Variants in STXBP6 observed in about 807,000 individuals in gnomAD.
STXBP6 encodes syntaxin binding protein 6.
A neutral mutation model predicts 26.9 loss-of-function variants in STXBP6; 21 were observed. The observed-to-expected ratio is 0.78, with a 90% CI of 0.55 to 1.12. The LOEUF (loss-of-function observed/expected upper bound fraction) is 1.12. Among genes scored for constraint, STXBP6 ranks in the 50% most tolerant of loss-of-function variants. The probability of loss-of-function intolerance (pLI) is 0.00; values close to 1 mark genes in which losing one functional copy is unlikely to be tolerated. For synonymous variants in STXBP6, 97 were observed against 92.6 expected (o/e 1.05, Z -0.27); for missense variants, 232 against 257.9 (o/e 0.90, Z 0.69).
At chr14:24,904,266 T>C (rs2071311800) in intron 2 of STXBP6, among the ~76,000 whole-genome samples, 2 of 152,190 alleles carry the variant, frequency 1.3e-5, no homozygotes, top group East Asian at 3.9e-4. Context: ...TATAGGTGAA[T>C]ACATCCAGCC....
At chr14:24,850,428 A>T (rs1161866576) in intron 4 of STXBP6, among the ~76,000 whole-genome samples, 1 of 152,124 alleles carries the variant, frequency 6.6e-6, no homozygotes, top group Non-Finnish European at 1.5e-5. Flanking sequence ...ATGCTTAAGA[A>T]ATACCCTTTG....
intron 2 of STXBP6, among the ~76,000 whole-genome samples, chr14:24,912,707 C>T (rs902493426): frequency 1.3e-5 from 2 of 152,060 alleles, no homozygotes; most frequent in African/African-American, 4.8e-5. Context: ...GCCCTCAGAC[C>T]ATGCTATCTG....
At chr14:25,003,335 A>G (rs892606428) in intron 1 of STXBP6, among the ~76,000 whole-genome samples, 7 of 152,226 alleles carry the variant, frequency 4.6e-5, no homozygotes, top group Non-Finnish European at 8.8e-5. Context: ...CCTAGCCTTT[A>G]GGGTAATTCT....
intron 4 of STXBP6, among the ~76,000 whole-genome samples, chr14:24,825,674 A>G (rs182169656): frequency 6.6e-6 from 1 of 152,308 alleles, no homozygotes; most frequent in East Asian, 1.9e-4. Flanking sequence ...GAGGCTAACT[A>G]AAGTCTCAGG....
chr14:24,826,928 G>T (rs183916300), intron 4 of STXBP6, among the ~76,000 whole-genome samples: 19 of 152,280 alleles, frequency 1.2e-4, no homozygotes, highest in East Asian at 3.9e-4. Context: ...GGCCAGGTGT[G>T]GTGGCTCATG....
At chr14:24,922,088 ACT>A (rs1224298544) in intron 2 of STXBP6, among the ~76,000 whole-genome samples, 2 of 151,792 alleles carry the variant, frequency 1.3e-5, no homozygotes, top group African/African-American at 2.4e-5. Flanking sequence ...ATTCTGACTT[ACT>A]CTGTCAGCAG....
chr14:24,931,535 C>T (rs1331472786), intron 2 of STXBP6, among the ~76,000 whole-genome samples: 1 of 152,292 alleles, frequency 6.6e-6, no homozygotes, highest in East Asian at 1.9e-4. Context: ...AGCAAAAACA[C>T]ATGTTAAAGA....
intron 1 of STXBP6, among the ~76,000 whole-genome samples, chr14:25,037,262 G>C (rs1189686816): frequency 2.0e-5 from 3 of 152,150 alleles, no homozygotes; most frequent in African/African-American, 7.2e-5. Context: ...TCTGAAATAG[G>C]ACAGGAATGG....
At chr14:24,852,793 A>G (rs1348908888) in intron 4 of STXBP6, among the ~76,000 whole-genome samples, 1 of 152,142 alleles carries the variant, frequency 6.6e-6, no homozygotes, top group Non-Finnish European at 1.5e-5. Context: ...CCAGCAATTC[A>G]TATACAACTC....
intron 2 of STXBP6, among the ~76,000 whole-genome samples, chr14:24,967,712 C>T (rs1231344222): frequency 6.6e-6 from 1 of 152,084 alleles, no homozygotes; most frequent in Non-Finnish European, 1.5e-5. Context: ...AAAAGGCTTA[C>T]CCTGATATAT....
intron 2 of STXBP6, among the ~76,000 whole-genome samples, chr14:24,928,723 A>G (rs540319502): frequency 6.6e-6 from 1 of 152,322 alleles, no homozygotes; most frequent in East Asian, 1.9e-4. Flanking sequence ...TCAGGCTTGC[A>G]GCTGTTCTAT....
chr14:24,994,402 A>G (rs1237002647), intron 1 of STXBP6, among the ~76,000 whole-genome samples: 4 of 152,110 alleles, frequency 2.6e-5, no homozygotes, highest in Non-Finnish European at 5.9e-5. Context: ...TGTTCTTGAC[A>G]CTACTTCCTT....
intron 2 of STXBP6, among the ~76,000 whole-genome samples, chr14:24,909,937 T>C (rs1409690027): frequency 1.3e-5 from 2 of 151,668 alleles, no homozygotes; most frequent in Non-Finnish European, 2.9e-5. Flanking sequence ...TGACCTTGAG[T>C]GAGTCACCTT....
At chr14:24,995,639 C>A (rs1438483402) in intron 1 of STXBP6, among the ~76,000 whole-genome samples, 3 of 152,034 alleles carry the variant, frequency 2.0e-5, no homozygotes, top group Non-Finnish European at 2.9e-5. Flanking sequence ...AAATATTTTT[C>A]TTTTAAGGGT....
At chr14:24,983,672 GAAAC>G (rs373307679) in intron 1 of STXBP6, among the ~76,000 whole-genome samples, 291 of 152,224 alleles carry the variant, frequency 1.9e-3, no homozygotes, top group African/African-American at 6.0e-3. Context: ...TAAAAATAAA[GAAAC>G]AAACAGAAAC....
At chr14:24,881,558 A>G (rs1298620385) in intron 2 of STXBP6, among the ~76,000 whole-genome samples, 2 of 152,212 alleles carry the variant, frequency 1.3e-5, no homozygotes, top group Non-Finnish European at 2.9e-5. Flanking sequence ...GACACAACTT[A>G]CTATGGAAGT....
At chr14:24,974,613 C>T in intron 2 of STXBP6, 52 bp downstream of exon 2, 1 of 1,468,422 alleles carries the variant, frequency 6.8e-7, no homozygotes, top group Non-Finnish European at 9.2e-7. Context: ...TCAGAATGAA[C>T]TGTTTTAAAA....
At chr14:25,000,048 T>G (rs903686756) in intron 1 of STXBP6, among the ~76,000 whole-genome samples, 3 of 152,136 alleles carry the variant, frequency 2.0e-5, no homozygotes, top group Non-Finnish European at 4.4e-5. Context: ...TAAAGTTTTG[T>G]AGGACACGCT....
chr14:25,006,856 A>G (rs2074911940), intron 1 of STXBP6, among the ~76,000 whole-genome samples: 1 of 151,810 alleles, frequency 6.6e-6, no homozygotes, highest in African/African-American at 2.4e-5. Context: ...TTTTCACCAA[A>G]AAAAAAAAAG....
Sources: gnomAD v4.1 joint callset for allele counts (sites outside exome capture counted in the v4.1 genomes callset) on GRCh38, gnomAD v4.1.1 for gene constraint, MANE v1.5 for transcripts, NCBI Gene and HGNC (gene_info 2026-07-23, HGNC 2026-07-21) for gene names.